SPDEF: variants seen among roughly 807,000 people sequenced by gnomAD.
SPDEF encodes SAM pointed domain containing ETS transcription factor.
Under a neutral mutation model 36.0 loss-of-function variants are expected in SPDEF, and 12 were observed. The observed-to-expected ratio is 0.33, with a 90% CI of 0.21 to 0.54. SPDEF has a LOEUF of 0.54. Ranked by LOEUF, SPDEF falls within the 20% of genes least tolerant of loss-of-function variation. SPDEF has a pLI of 0.93. For synonymous variants in SPDEF, 205 were observed against 193.0 expected (o/e 1.06, Z -0.51); for missense variants, 388 against 456.9 (o/e 0.85, Z 1.37).
rs968835538 is a variant in SPDEF at position 34,538,520 on chromosome 6, C to T, written c.830-68G>A. ...GTGGCAAGAAGGAGAAAGACGCAGACCACCAGGTCAGCCTCGTGGCGAACC... is the reference window on the plus strand; with the variant it reads ...GTGGCAAGAAGGAGAAAGACGCAGATCACCAGGTCAGCCTCGTGGCGAACC... On this transcript the variant is annotated intron_variant, in intron 5 of 5. Transcript: ENST00000374037. This position sits in a 1 kb window ranked among gnomAD's most constrained non-coding sequence, Gnocchi z 5.9. The T allele has an allele frequency of 3.3e-6, 5 of 1,501,318 alleles. No homozygotes were observed. The highest frequency in any genetic ancestry group is 4.5e-6 in the Non-Finnish European group (5 of 1,107,890). The allele number at this position is 1,501,318 out of a possible 1,614,324, so 93.0% of individuals were successfully genotyped here.
chr6:34,542,904 A>AAAG (rs1198139992), intron 2 of SPDEF, among the ~76,000 whole-genome samples: 11 of 149,350 alleles, frequency 7.4e-5, no homozygotes, highest in South Asian at 2.1e-4. Flanking sequence ...AAAAAAAAAA[A>AAAG]AAGAAGAGGC....
chr6:34,539,796 C>T lies in SPDEF; in HGVS notation c.635-234G>A, dbSNP rs1462520421. On this transcript the variant is annotated intron_variant, in intron 3 of 5. Coordinates refer to ENST00000374037, the MANE Select transcript of SPDEF (RefSeq NM_012391.3). This position sits in a 1 kb window ranked among gnomAD's most constrained non-coding sequence, Gnocchi z 5.2. ...GGGCCGTAAAGGGCTTGCATGCAAC[C>T]CCTTGTTCAGATGAGGACATCTGAC... 2.0e-5 allele frequency among the ~76,000 whole-genome samples: 3 copies of T among 152,194 alleles called. No individual in the cohort carries two copies. The highest frequency in any genetic ancestry group is 2.0e-4 in the Admixed American group (3 of 15,288).
rs1768079639 is a variant in SPDEF at position 34,552,359 on chromosome 6, G to C, written c.-30+3570C>G. ...CACCGGAGCTCTGCTGCTCCTGCCT[G>C]AGGCCCCTTGGCCGATCCTCTTGGC... is the stretch of plus-strand genomic sequence containing the variant. On this transcript the variant is annotated intron_variant, in intron 1 of 5. Coordinates refer to ENST00000374037, the MANE Select transcript of SPDEF (RefSeq NM_012391.3). The surrounding 1 kb of genome is among the most constrained non-coding windows in gnomAD (Gnocchi z 4.6). 2.0e-5 allele frequency among the ~76,000 whole-genome samples: 3 copies of C among 152,244 alleles called. No homozygotes were observed. The highest frequency in any genetic ancestry group is 4.4e-5 in the Non-Finnish European group (3 of 68,052).
At chr6:34,549,167 C>A (rs1768009489) in intron 1 of SPDEF, among the ~76,000 whole-genome samples, 3 of 152,188 alleles carry the variant, frequency 2.0e-5, no homozygotes, top group Non-Finnish European at 4.4e-5. Flanking sequence ...TGGATTAAGC[C>A]ACATGTCTGG....
rs933162903 is a variant in SPDEF at position 34,538,273 on chromosome 6, C to T, written c.*1G>A. ...CGGGTTTCAGGCCCTGGGCCAGGCACTCAGATGGGGTGCACGAACTGGTAG... is the reference window on the plus strand; with the variant it reads ...CGGGTTTCAGGCCCTGGGCCAGGCATTCAGATGGGGTGCACGAACTGGTAG... On this transcript the variant is annotated 3_prime_UTR_variant, in exon 6 of 6. Coordinates refer to ENST00000374037, the MANE Select transcript of SPDEF (RefSeq NM_012391.3). The surrounding 1 kb of genome is among the most constrained non-coding windows in gnomAD (Gnocchi z 5.9). 3 of 1,612,652 alleles carry T rather than the reference C, an allele frequency of 1.9e-6. No individual in the cohort carries two copies. Among genetic ancestry groups the T allele is most frequent in the Non-Finnish European group, 2.5e-6 (3 of 1,179,046 alleles).
chr6:34,543,931 G>A, intron 2 of SPDEF, 89 bp downstream of exon 2: 1 of 1,330,126 alleles, frequency 7.5e-7, no homozygotes, highest in Non-Finnish European at 1.0e-6. Context: ...GGTGGCCAGA[G>A]TCCATCCAGC....
intron 2 of SPDEF, among the ~76,000 whole-genome samples, chr6:34,542,203 C>A (rs760542490): frequency 1.3e-5 from 2 of 152,164 alleles, no homozygotes; most frequent in African/African-American, 2.4e-5. Context: ...AGGGGCCGGG[C>A]CTGAGGGATG....
Position 34,543,647 on chromosome 6 carries a change from C to T in SPDEF, c.436+373G>A, listed in dbSNP as rs554841843. On this transcript the variant is annotated intron_variant, in intron 2 of 5. Coordinates refer to ENST00000374037, the MANE Select transcript of SPDEF (RefSeq NM_012391.3). ...GTCACACAGATATTTGGGGGAAGAG[C>T]GCTCTAGGCTGAAGAAGCAGCAGCG... Among the ~76,000 whole-genome samples, 7 of 152,238 alleles carry T rather than the reference C, an allele frequency of 4.6e-5. No homozygotes were observed. The South Asian group carries it at 1.5e-3, about 32-fold the overall frequency.
rs970699820 is a variant in SPDEF at position 34,544,304 on chromosome 6, G to A, written c.152C>T (p.Pro51Leu). ...GTAGAAGGCGGACAGGCCCTGCTCG[G>A]GCGTGGCGGGTGGACTGGGACTCCA... ...RDWSPSPPAT[P>L]EQGLSAFYLS... is the part of the protein sequence containing the mutation. Residue 51 changes from proline (P) to leucine (L), a missense_variant, in exon 2 of 6, where the codon CCC becomes CTC. Coordinates refer to ENST00000374037, the MANE Select transcript of SPDEF (RefSeq NM_012391.3). The surrounding 1 kb of genome is among the most constrained non-coding windows in gnomAD (Gnocchi z 4.4). The A allele has an allele frequency of 6.2e-7, 1 of 1,611,116 alleles. No homozygotes were observed. The highest frequency in any genetic ancestry group is 1.3e-5 in the African/African-American group (1 of 75,040).
rs758828320 is a variant in SPDEF, at chr6:34,541,032, G to T, written c.586C>A (p.Pro196Thr). Residue 196 changes from proline (P) to threonine (T), a missense_variant, in exon 3 of 6, where the codon CCC (proline) becomes ACC (threonine). This residue lies in a region of SPDEF where 308 missense variants were observed against 326.1 expected (regional missense o/e 0.94). Transcript: ENST00000374037. Reference sequence around the variant, plus strand: ...GCGTGCAGCACATCCCCACCCAGGGGCGAGCGCTGGCGGAACTGCTCCTCC... The same window carrying T: ...GCGTGCAGCACATCCCCACCCAGGGTCGAGCGCTGGCGGAACTGCTCCTCC... ...MSEEQFRQRSPLGGDVLHAHL... is the reference protein window; with the variant it reads ...MSEEQFRQRSTLGGDVLHAHL... 6.2e-7 allele frequency: 1 copy of T among 1,612,330 alleles called. No homozygotes were observed. The highest frequency in any genetic ancestry group is 8.5e-7 in the Non-Finnish European group (1 of 1,179,912).
intron 1 of SPDEF, among the ~76,000 whole-genome samples, chr6:34,547,270 G>A (rs1767975030): frequency 6.6e-6 from 1 of 152,082 alleles, no homozygotes. Context: ...AGGGCAGGTG[G>A]CAGCTTTTGC....
At chr6:34,547,976 A>AG (rs1042285778) in intron 1 of SPDEF, among the ~76,000 whole-genome samples, 5 of 152,174 alleles carry the variant, frequency 3.3e-5, no homozygotes, top group Admixed American at 1.3e-4. Flanking sequence ...GGCCTAGAGT[A>AG]GGGGGGCTTG....
chr6:34,540,386 G>A (rs751176763), intron 3 of SPDEF, among the ~76,000 whole-genome samples: 17 of 150,894 alleles, frequency 1.1e-4, no homozygotes, highest in Non-Finnish European at 1.5e-4. Context: ...GCAGAGCAGT[G>A]TAATACTCTG....
At chr6:34,550,051 C>A (rs552903145) in intron 1 of SPDEF, among the ~76,000 whole-genome samples, 2 of 152,318 alleles carry the variant, frequency 1.3e-5, no homozygotes, top group East Asian at 1.9e-4. Flanking sequence ...CTGGTCAGCA[C>A]CTTGGAGAAA....
At chr6:34,554,303 T>C (rs997624309) in intron 1 of SPDEF, among the ~76,000 whole-genome samples, 3 of 152,156 alleles carry the variant, frequency 2.0e-5, no homozygotes, top group Non-Finnish European at 4.4e-5. Flanking sequence ...GTTCTCCCGG[T>C]TTTTGCACTT....
At chr6:34,541,539 G>T (rs1767823098) in intron 2 of SPDEF, among the ~76,000 whole-genome samples, 1 of 152,166 alleles carries the variant, frequency 6.6e-6, no homozygotes, top group African/African-American at 2.4e-5. Flanking sequence ...AGAAACACCT[G>T]GGCTTCTCCA....
rs754648678 is a variant in SPDEF at position 34,538,300 on chromosome 6, C to T, written c.982G>A (p.Val328Ile). Residue 328 changes from valine to isoleucine, a missense_variant, in exon 6 of 6, where the codon GTC becomes ATC. By Grantham distance (29) the Val-to-Ile change is conservative (BLOSUM62 3). Transcript: ENST00000374037. This position sits in a 1 kb window ranked among gnomAD's most constrained non-coding sequence, Gnocchi z 5.9. ...CAGATGGGGTGCACGAACTGGTAGA[C>T]GAGGCGCTGGGAGATGTCTGGCTTC... is the stretch of plus-strand genomic sequence containing the variant. ...IRKPDISQRL[V>I]YQFVHPI is the part of the protein sequence containing the mutation. 3.1e-6 allele frequency: 5 copies of T among 1,613,868 alleles called. No homozygotes were observed. Among genetic ancestry groups the T allele is most frequent in the South Asian group, 1.1e-5 (1 of 91,074 alleles).
chr6:34,542,528 G>A (rs1399642822), intron 2 of SPDEF, among the ~76,000 whole-genome samples: 2 of 152,178 alleles, frequency 1.3e-5, no homozygotes, highest in Non-Finnish European at 2.9e-5. Flanking sequence ...TCAGCCCTAC[G>A]AACACAGGGG....
chr6:34,550,477 C>G (rs926060379), intron 1 of SPDEF, among the ~76,000 whole-genome samples: 6 of 152,190 alleles, frequency 3.9e-5, no homozygotes, highest in East Asian at 1.9e-4. Flanking sequence ...CCTGCTTCCC[C>G]AGGGTCTCCA....
Sources: gnomAD v4.1 joint callset for allele counts (sites outside exome capture counted in the v4.1 genomes callset) on GRCh38, gnomAD v4.1.1 for gene constraint, gnomAD v4.1.1 regional missense constraint, Gnocchi (gnomAD v3.1) non-coding constraint, MANE v1.5 for transcripts, NCBI Gene and HGNC (gene_info 2026-07-23, HGNC 2026-07-21) for gene names.